The following MYRIP variants were observed in gnomAD, a reference collection of about 807,000 sequenced individuals.
MYRIP encodes the protein rab effector MyRIP.
In MYRIP, 49 loss-of-function variants were observed where a neutral mutation model predicts 98.0. That is an observed-to-expected ratio of 0.50 (90% CI 0.40 to 0.63). The LOEUF (loss-of-function observed/expected upper bound fraction) is 0.63. Among genes scored for constraint, MYRIP ranks in the 30% least tolerant of loss-of-function variants. The pLI is 0.00. For synonymous variants in MYRIP, 404 were observed against 409.5 expected (o/e 0.99, Z 0.16); for missense variants, 1,004 against 1,058.2 (o/e 0.95, Z 0.71).
At chr3:40,146,612 C>T (rs145624560) in intron 3 of MYRIP, among the ~76,000 whole-genome samples, 149 of 152,286 alleles carry the variant, frequency 9.8e-4, no homozygotes, top group African/African-American at 3.5e-3. Context: ...AATTTGGTCT[C>T]TCATTGCTGC....
At chr3:40,098,836 A>G (rs1013753827) in intron 3 of MYRIP, among the ~76,000 whole-genome samples, 1 of 140,422 alleles carries the variant, frequency 7.1e-6, no homozygotes, top group Admixed American at 7.6e-5. Context: ...TATTATTGAC[A>G]TTTTACAGTC....
At chr3:40,146,699 GAATACACACACACA>G (rs1950018498) in intron 3 of MYRIP, among the ~76,000 whole-genome samples, 1 of 152,082 alleles carries the variant, frequency 6.6e-6, no homozygotes, top group African/African-American at 2.4e-5. Context: ...GTGCCTGCAT[GAATACACACACACA>G]AATGCACACA....
intron 2 of MYRIP, among the ~76,000 whole-genome samples, chr3:40,036,959 C>T (rs1358265128): frequency 6.6e-6 from 1 of 151,764 alleles, no homozygotes; most frequent in African/African-American, 2.4e-5. Context: ...TTAAAGCTAA[C>T]CACTAAAAGA....
At position 39,966,773 on chromosome 3, in the gene MYRIP, C is replaced by T. The variant is rs563511661; in HGVS notation, c.110+65847C>T. On this transcript the variant is annotated intron_variant, in intron 2 of 16. Transcript: ENST00000302541. Reference sequence around the variant, plus strand: ...AGACGGAACCAAGGGGGAAGAAATACGGTACCCTGATTGTGAAAATCCACC... The same window carrying T: ...AGACGGAACCAAGGGGGAAGAAATATGGTACCCTGATTGTGAAAATCCACC... Among the ~76,000 whole-genome samples the T allele has an allele frequency of 5.3e-5, 8 of 152,328 alleles. No homozygotes were observed. The East Asian group carries it at 9.6e-4, about 18-fold the overall frequency.
intron 9 of MYRIP, among the ~76,000 whole-genome samples, 198 bp from the exon 10 acceptor site, chr3:40,189,628 C>G (rs1951143956): frequency 6.6e-6 from 1 of 152,150 alleles, no homozygotes; most frequent in Non-Finnish European, 1.5e-5. Context: ...AGCACTGGGA[C>G]CCTTTGAGCT....
intron 3 of MYRIP, among the ~76,000 whole-genome samples, chr3:40,134,405 C>G (rs1410637645): frequency 1.3e-5 from 2 of 152,240 alleles, no homozygotes; most frequent in Non-Finnish European, 2.9e-5. Flanking sequence ...CTGGGTGGAG[C>G]TCACCACAGC....
At chr3:40,226,726 G>T (rs993616172) in intron 11 of MYRIP, among the ~76,000 whole-genome samples, 1 of 152,184 alleles carries the variant, frequency 6.6e-6, no homozygotes, top group East Asian at 1.9e-4. Context: ...GTGGTGAGGA[G>T]GGTGAAATGA....
At chr3:40,055,800 A>T (rs9866108) in intron 3 of MYRIP, among the ~76,000 whole-genome samples, 44,288 of 152,086 alleles carry the variant, frequency 0.29, 6,536 homozygotes, top group East Asian at 0.36. Flanking sequence ...TACTCTGGCC[A>T]GTCTTGGACC....
At position 40,210,043 on chromosome 3, in the gene MYRIP, A is replaced by G. The variant is rs1329365580; in HGVS notation, c.1855A>G (p.Ser619Gly). Reference sequence around the variant, plus strand: ...GACAGAATCTGAGAACCAGAAGGAAAGTCTGTCCTCTGAAGACAACAGCCA... The same window carrying G: ...GACAGAATCTGAGAACCAGAAGGAAGGTCTGTCCTCTGAAGACAACAGCCA... The part of the protein sequence containing the change: ...PKTESENQKE[S>G]LSSEDNSQSV... Residue 619 changes from serine (S) to glycine (G), a missense_variant, in exon 11 of 17, where the codon AGT becomes GGT. Coordinates refer to ENST00000302541, the MANE Select transcript of MYRIP (RefSeq NM_015460.4). 6.2e-7 allele frequency: 1 copy of G among 1,614,122 alleles called. No individual in the cohort carries two copies. The highest frequency in any genetic ancestry group is 1.3e-5 in the African/African-American group (1 of 75,064).
At chr3:40,016,895 C>G (rs991709909) in intron 2 of MYRIP, among the ~76,000 whole-genome samples, 3 of 152,158 alleles carry the variant, frequency 2.0e-5, no homozygotes, top group African/African-American at 7.2e-5. Context: ...AGTTGCTGGG[C>G]AGGGCCAGGT....
At chr3:40,136,905 G>C (rs1453002345) in intron 3 of MYRIP, among the ~76,000 whole-genome samples, 3 of 152,216 alleles carry the variant, frequency 2.0e-5, no homozygotes, top group African/African-American at 7.2e-5. Context: ...GAAATTTATA[G>C]CACTAAATGC....
chr3:40,252,724 G>A (rs1051574948), intron 16 of MYRIP, among the ~76,000 whole-genome samples: 3 of 152,146 alleles, frequency 2.0e-5, no homozygotes, highest in Admixed American at 1.3e-4. Flanking sequence ...GCGGTCACAA[G>A]CCTACCAAGC....
At chr3:40,152,588 T>A (rs893246750) in intron 4 of MYRIP, among the ~76,000 whole-genome samples, 1 of 152,194 alleles carries the variant, frequency 6.6e-6, no homozygotes, top group African/African-American at 2.4e-5. Flanking sequence ...TAAGAATAAA[T>A]ATCTGCCCTG....
intron 1 of MYRIP, among the ~76,000 whole-genome samples, chr3:39,886,979 A>G (rs1684481903): frequency 6.6e-6 from 1 of 151,996 alleles, no homozygotes; most frequent in South Asian, 2.1e-4. Flanking sequence ...CAGAAATTAT[A>G]ACAAACTGTC....
chr3:40,054,654 T>A (rs1460812528), intron 3 of MYRIP, among the ~76,000 whole-genome samples: 5 of 152,120 alleles, frequency 3.3e-5, no homozygotes, highest in Non-Finnish European at 7.4e-5. Flanking sequence ...GCCTTCAAAC[T>A]CAAGCTGCAA....
rs200269246 is a variant in MYRIP at position 40,044,199 on chromosome 3, A to G, written c.260A>G (p.Asn87Ser). 186 of 1,614,136 alleles carry G rather than the reference A, an allele frequency of 1.2e-4. No homozygotes were observed. Among genetic ancestry groups the G allele is most frequent in the East Asian group, 8.5e-4 (38 of 44,864 alleles). The change falls in exon 3 of 17, where the codon AAT (asparagine) becomes AGT (serine). Residue 87 changes from asparagine (N) to serine (S), a missense_variant. Asn to Ser is a conservative substitution (Grantham distance 46, BLOSUM62 1). This residue lies in a region of MYRIP where 880 missense variants were observed against 907.7 expected (regional missense o/e 0.97). Coordinates refer to ENST00000302541, the MANE Select transcript of MYRIP (RefSeq NM_015460.4). ...TKRQCGDCKFNVCKSCCSYQK... is the reference protein window; with the variant it reads ...TKRQCGDCKFSVCKSCCSYQK... ...CGCCAGTGTGGAGATTGCAAATTCA[A>G]TGTCTGCAAGAGCTGCTGCTCCTAC...
At chr3:40,024,072 G>T (rs1007957704) in intron 2 of MYRIP, among the ~76,000 whole-genome samples, 1 of 152,102 alleles carries the variant, frequency 6.6e-6, no homozygotes, top group Admixed American at 6.6e-5. Flanking sequence ...TAGGGTACTC[G>T]CTCTTGTCAA....
intron 3 of MYRIP, among the ~76,000 whole-genome samples, chr3:40,121,894 C>T (rs1052206565): frequency 1.3e-5 from 2 of 152,034 alleles, no homozygotes; most frequent in African/African-American, 4.8e-5. Flanking sequence ...AAATACATGT[C>T]CCCAATAGTA....
intron 2 of MYRIP, among the ~76,000 whole-genome samples, chr3:40,036,783 G>A (rs1441257212): frequency 6.6e-6 from 1 of 152,042 alleles, no homozygotes; most frequent in African/African-American, 2.4e-5. Flanking sequence ...TCTTCATGTG[G>A]GGTGGCTAAA....
Sources: gnomAD v4.1 joint callset for allele counts (sites outside exome capture counted in the v4.1 genomes callset) on GRCh38, gnomAD v4.1.1 for gene constraint, gnomAD v4.1.1 regional missense constraint, MANE v1.5 for transcripts, NCBI Gene and HGNC (gene_info 2026-07-23, HGNC 2026-07-21) for gene names.